CYP3A4: variants seen among roughly 807,000 people sequenced by gnomAD.
CYP3A4 encodes the protein cytochrome P450 3A4.
A neutral mutation model predicts 54.9 loss-of-function variants in CYP3A4; 41 were observed. That is an observed-to-expected ratio of 0.75 (90% CI 0.58 to 0.97). The LOEUF is 0.97. CYP3A4 is among the 50% of genes least tolerant of loss of function. CYP3A4 has a pLI of 0.00. For missense variants in CYP3A4, 510 were observed against 597.3 expected (o/e 0.85, Z 1.52); for synonymous variants, 179 against 205.2 (o/e 0.87, Z 1.09).
rs1815968407 is a variant in CYP3A4, at chr7:99,783,115, C to T, written c.71+896G>A. Reference sequence around the variant, plus strand: ...ACAACTCACTGAATTTCTAACCTTTCTGTGAAAGAATTAAAATGAGGTTTA... The same window carrying T: ...ACAACTCACTGAATTTCTAACCTTTTTGTGAAAGAATTAAAATGAGGTTTA... On this transcript the variant is annotated intron_variant, in intron 1 of 12. Coordinates refer to ENST00000651514, the MANE Select transcript of CYP3A4 (RefSeq NM_017460.6). 2.0e-5 allele frequency among the ~76,000 whole-genome samples: 3 copies of T among 152,162 alleles called. No individual in the cohort carries two copies. In the South Asian group the frequency reaches 6.2e-4, roughly 32 times the overall value.
chr7:99,780,128 T>A, intron 1 of CYP3A4, 43 bp from the exon 2 acceptor site: 4 of 1,575,436 alleles, frequency 2.5e-6, no homozygotes, highest in Non-Finnish European at 3.5e-6. Context: ...ATTGTGACTT[T>A]ATAGATATAG....
chr7:99,767,118 CACCACATTTT>C lies in CYP3A4; in HGVS notation c.798+3_798+12del, dbSNP rs1417705856. Reference sequence around the variant, plus strand: ...AAACTAAACATCCTCCTATAACTACCACCACATTTTACCTTTTGTGTATCTTCGAGGCGAC... The same window carrying C: ...AAACTAAACATCCTCCTATAACTACCACCTTTTGTGTATCTTCGAGGCGAC... On this transcript the variant is annotated splice_donor_5th_base_variant and intron_variant, in intron 8 of 12. Transcript: ENST00000651514. 1 of 1,606,398 alleles carries C rather than the reference CACCACATTTT, an allele frequency of 6.2e-7. No individual in the cohort carries two copies. Among genetic ancestry groups the C allele is most frequent in the Non-Finnish European group, 8.5e-7 (1 of 1,176,896 alleles).
At chr7:99,780,999 C>T (rs1216028766) in intron 1 of CYP3A4, among the ~76,000 whole-genome samples, 1 of 152,186 alleles carries the variant, frequency 6.6e-6, no homozygotes, top group African/African-American at 2.4e-5. Flanking sequence ...TGTTGAAATG[C>T]AATCCCCAAT....
rs1259521795 is a variant in CYP3A4, at chr7:99,780,011, T to G, written c.146A>C (p.Asn49Thr). 3 of 1,613,348 alleles carry G rather than the reference T, an allele frequency of 1.9e-6. No individual in the cohort carries two copies. The African/African-American group carries it at 4.0e-5, about 22-fold the overall frequency. ...PGPTPLPFLG[N>T]ILSYHKGFCM... ...ACTCACCTTATGGTAGGACAAAATA[T>G]TTCCCAAAAAAGGCAGAGGTGTGGG... Residue 49 changes from asparagine (N) to threonine (T), a missense_variant, in exon 2 of 13, where the codon AAT (asparagine) becomes ACT (threonine). By Grantham distance (65) the Asn-to-Thr change is moderately conservative. Coordinates refer to ENST00000651514, the MANE Select transcript of CYP3A4 (RefSeq NM_017460.6).
intron 4 of CYP3A4, 34 bp downstream of exon 4, chr7:99,772,556 A>G (rs1018025017): frequency 5.0e-6 from 8 of 1,609,430 alleles, no homozygotes; most frequent in African/African-American, 2.7e-5. Context: ...AATTTAATCA[A>G]TCAGTATTTT....
chr7:99,766,553 C>G, intron 8 of CYP3A4, 110 bp from the exon 9 acceptor site: 1 of 1,336,976 alleles, frequency 7.5e-7, no homozygotes, highest in African/African-American at 1.5e-5. Context: ...CCTTGAAGAC[C>G]AGAAATCTGA....
At chr7:99,769,331 T>C (rs13312547) in intron 6 of CYP3A4, among the ~76,000 whole-genome samples, 2 of 152,138 alleles carry the variant, frequency 1.3e-5, no homozygotes, top group African/African-American at 4.8e-5. Context: ...TCTACTGATA[T>C]CCTCAGAAAA....
intron 12 of CYP3A4, among the ~76,000 whole-genome samples, chr7:99,760,137 GAAC>G (rs1815282142): frequency 6.6e-6 from 1 of 152,108 alleles, no homozygotes; most frequent in South Asian, 2.1e-4. Flanking sequence ...GCCTGGCTGG[GAAC>G]AACATTAATA....
At chr7:99,762,377 G>A in intron 10 of CYP3A4, 110 bp from the exon 11 acceptor site, 1 of 1,374,304 alleles carries the variant, frequency 7.3e-7, no homozygotes, top group Non-Finnish European at 1.0e-6. Context: ...ACTCATACTG[G>A]TAAAGGATCG....
chr7:99,773,194 A>G (rs180700764), intron 3 of CYP3A4, among the ~76,000 whole-genome samples: 1 of 152,314 alleles, frequency 6.6e-6, no homozygotes, highest in East Asian at 1.9e-4. Context: ...AGATTCATAA[A>G]GCAAGTTCTT....
Position 99,762,232 on chromosome 7 carries a change from C to T in CYP3A4, c.1062G>A (p.Glu354=). 1.2e-6 allele frequency: 2 copies of T among 1,614,066 alleles called. No individual in the cohort carries two copies. Among genetic ancestry groups the T allele is most frequent in the South Asian group, 1.1e-5 (1 of 91,072 alleles). ...TTTCATTCACCACCATGTCAAGATACTCCATCTGTAGCACAGTATCATAGG... is the reference window on the plus strand; with the variant it reads ...TTTCATTCACCACCATGTCAAGATATTCCATCTGTAGCACAGTATCATAGG... ...PPTYDTVLQM[E]YLDMVVNETL... is the part of the protein sequence containing the mutation. The change falls in exon 11 of 13, where the codon GAG becomes GAA. Residue 354 remains glutamate, a synonymous_variant. Coordinates refer to ENST00000651514, the MANE Select transcript of CYP3A4 (RefSeq NM_017460.6).
At chr7:99,766,964 C>A in intron 8 of CYP3A4, 167 bp downstream of exon 8, 1 of 578,822 alleles carries the variant, frequency 1.7e-6, no homozygotes, top group South Asian at 2.5e-5. Context: ...TCCCCAAACC[C>A]CACTTTCTGC....
chr7:99,775,145 C>T (rs1012360901), intron 3 of CYP3A4, among the ~76,000 whole-genome samples: 1 of 151,970 alleles, frequency 6.6e-6, no homozygotes, highest in Non-Finnish European at 1.5e-5. Context: ...ATGTGAAGTT[C>T]TCCTCTTCAA....
chr7:99,772,238 T>C (rs937561846), intron 4 of CYP3A4, among the ~76,000 whole-genome samples: 1 of 152,170 alleles, frequency 6.6e-6, no homozygotes, highest in Non-Finnish European at 1.5e-5. Flanking sequence ...AATGATGTGA[T>C]AAATTTGTAT....
At chr7:99,766,285 TCTC>T in intron 9 of CYP3A4, 89 bp downstream of exon 9, 1 of 1,475,764 alleles carries the variant, frequency 6.8e-7, no homozygotes, top group African/African-American at 1.4e-5. Context: ...TGGCAGAAAT[TCTC>T]ATCATCCTGG....
At chr7:99,769,712 A>T in intron 6 of CYP3A4, 56 bp downstream of exon 6, 1 of 1,600,246 alleles carries the variant, frequency 6.2e-7, no homozygotes, top group Non-Finnish European at 8.6e-7. Flanking sequence ...GCTCCATGGC[A>T]GGCAGCTGGA....
At chr7:99,769,618 C>G (rs1815574183) in intron 6 of CYP3A4, 150 bp downstream of exon 6, 1 of 687,562 alleles carries the variant, frequency 1.5e-6, no homozygotes, top group African/African-American at 1.8e-5. Context: ...CGGAGCTGCC[C>G]CATCTTGGGA....
At position 99,763,877 on chromosome 7, in the gene CYP3A4, A is replaced by G. The variant is rs368296206; in HGVS notation, c.1004T>C (p.Ile335Thr). Reference protein sequence around the residue: ...PDVQQKLQEEIDAVLPNKAPP... With the variant: ...PDVQQKLQEETDAVLPNKAPP... Reference sequence around the variant, plus strand: ...CACCTTATTGGGTAAAACTGCATCAATTTCCTCCTGCAGTTTCTGCTGGAC... The same window carrying G: ...CACCTTATTGGGTAAAACTGCATCAGTTTCCTCCTGCAGTTTCTGCTGGAC... Residue 335 changes from isoleucine to threonine, a missense_variant, in exon 10 of 13, where the codon ATT becomes ACT. Physicochemically the swap from Ile to Thr is moderately conservative, Grantham distance 89. Around this residue, in one of 2 missense-constraint regions of CYP3A4, gnomAD observed 238 missense variants for 322.5 expected, o/e 0.74. Transcript: ENST00000651514. The G allele has an allele frequency of 3.4e-5, 55 of 1,613,824 alleles. No individual in the cohort carries two copies. The highest frequency in any genetic ancestry group is 1.9e-4 in the African/African-American group (14 of 74,884).
chr7:99,777,890 A>G (rs760851459), intron 3 of CYP3A4, 138 bp downstream of exon 3: 19 of 730,334 alleles, frequency 2.6e-5, no homozygotes, highest in Admixed American at 2.0e-4. Context: ...TTCTTCTTTC[A>G]GAGAACTTCT....
Sources: allele counts gnomAD v4.1 joint callset (sites outside exome capture counted in the v4.1 genomes callset), GRCh38; gene constraint gnomAD v4.1.1; regional missense constraint gnomAD v4.1.1; transcripts MANE v1.5; gene names NCBI Gene and HGNC (gene_info 2026-07-23, HGNC 2026-07-21).